The following ABCC1 variants were observed in gnomAD, a reference collection of about 807,000 sequenced individuals.
ABCC1 encodes ATP binding cassette subfamily C member 1 (ABCC1 blood group), also known as multidrug resistance-associated protein 1.
Under a neutral mutation model 172.9 loss-of-function variants are expected in ABCC1, and 83 were observed. That is an observed-to-expected ratio of 0.48 (90% CI 0.40 to 0.58). ABCC1 has a LOEUF of 0.58. Ranked by LOEUF, ABCC1 falls within the 20% of genes least tolerant of loss-of-function variation. ABCC1 has a pLI of 0.00. For missense variants in ABCC1, 1,817 were observed against 2,002.7 expected, an observed-to-expected ratio of 0.91 and a Z score of 1.77; for synonymous variants, 937 against 825.2, an observed-to-expected ratio of 1.14 and a Z score of -2.32.
At chr16:16,074,947 C>CTT (rs71137910) in intron 14 of ABCC1, among the ~76,000 whole-genome samples, 2 of 129,198 alleles carry the variant, frequency 1.5e-5, no homozygotes, top group East Asian at 2.2e-4. Context: ...TTTTCTTTTT[C>CTT]TTTTTTTTTT....
chr16:16,061,772 C>CTTTTTTT (rs201926082), intron 12 of ABCC1, among the ~76,000 whole-genome samples: 160 of 116,140 alleles, frequency 1.4e-3, no homozygotes, highest in Non-Finnish European at 1.8e-3. Context: ...TTCTTTTTTT[C>CTTTTTTT]TTTTTTTTTT....
At chr16:16,134,902 A>G (rs894847706) in intron 28 of ABCC1, among the ~76,000 whole-genome samples, 5 of 152,206 alleles carry the variant, frequency 3.3e-5, no homozygotes, top group Non-Finnish European at 4.4e-5. Context: ...TTGGCCTCCA[A>G]AAGTGCTGGG....
chr16:15,977,132 G>C (rs1193743285), intron 1 of ABCC1, among the ~76,000 whole-genome samples: 1 of 152,186 alleles, frequency 6.6e-6, no homozygotes, highest in East Asian at 1.9e-4. Flanking sequence ...TGGAGACTGG[G>C]GTGTCTCCGA....
chr16:16,014,942 A>G (rs964159018), intron 4 of ABCC1, among the ~76,000 whole-genome samples: 1 of 152,132 alleles, frequency 6.6e-6, no homozygotes, highest in Non-Finnish European at 1.5e-5. Flanking sequence ...ACAGCAAGAC[A>G]GGCGGCTCCA....
In ABCC1 at chr16:16,053,866, C is replaced by T. The variant is rs553885899; in HGVS notation, c.1473+1050C>T. Reference sequence around the variant, plus strand: ...TTAAAAGGGGATACCCCCTTCCCTACTCTCTCAACCACTGCAAATATATAG... The same window carrying T: ...TTAAAAGGGGATACCCCCTTCCCTATTCTCTCAACCACTGCAAATATATAG... On this transcript the variant is annotated intron_variant, in intron 11 of 30. Transcript: ENST00000399410. 2.0e-3 allele frequency among the ~76,000 whole-genome samples: 291 copies of T among 147,664 alleles called. 2 individuals carry two copies. The highest frequency in any genetic ancestry group is 2.9e-3 in the Non-Finnish European group (192 of 67,144).
intron 5 of ABCC1, among the ~76,000 whole-genome samples, chr16:16,022,648 C>A (rs1404215904): frequency 6.6e-6 from 1 of 152,114 alleles, no homozygotes; most frequent in Admixed American, 6.6e-5. Context: ...GGTTGCAAAT[C>A]ACTGGTTTGG....
chr16:16,039,239 ATGTGTGTGTGTG>A (rs71137905), intron 7 of ABCC1, among the ~76,000 whole-genome samples: 1 of 119,576 alleles, frequency 8.4e-6, no homozygotes, highest in Non-Finnish European at 1.7e-5. Flanking sequence ...GTGTGTATGT[ATGTGTGTGTGTG>A]TGTGTGTGTG....
chr16:16,082,489 C>T (rs1182479342), intron 16 of ABCC1, among the ~76,000 whole-genome samples: 1 of 152,160 alleles, frequency 6.6e-6, no homozygotes, highest in African/African-American at 2.4e-5. Flanking sequence ...AAACAAATAT[C>T]CTTACTCTAG....
chr16:16,073,492 G>A lies in ABCC1; in HGVS notation c.1912+1763G>A, dbSNP rs184616125. On this transcript the variant is annotated intron_variant, in intron 14 of 30. Transcript: ENST00000399410. ...AAAAGTGAGGCACAGGCTGGGTGCA[G>A]TGGCTCCTACCTATAATCCTAGTAC... is the stretch of plus-strand genomic sequence containing the variant. Among the ~76,000 whole-genome samples the A allele has an allele frequency of 2.0e-5, 3 of 152,316 alleles. No homozygotes were observed. In the East Asian group the frequency reaches 5.8e-4, roughly 29 times the overall value.
intron 16 of ABCC1, among the ~76,000 whole-genome samples, chr16:16,081,047 C>G (rs566994567): frequency 3.3e-5 from 5 of 152,062 alleles, no homozygotes; most frequent in Non-Finnish European, 7.4e-5. Flanking sequence ...TTTGTATTTT[C>G]AGTAAAGACG....
intron 1 of ABCC1, among the ~76,000 whole-genome samples, chr16:15,951,104 AGGGGAAAACCTGTG>A (rs1312432570): frequency 1.3e-5 from 2 of 152,160 alleles, no homozygotes; most frequent in Non-Finnish European, 2.9e-5. Context: ...TTTCTTTAGC[AGGGGAAAACCTGTG>A]GCTTCCTTGT....
chr16:16,091,428 G>C (rs897761682), intron 19 of ABCC1, among the ~76,000 whole-genome samples: 8 of 141,646 alleles, frequency 5.6e-5, no homozygotes, highest in Non-Finnish European at 1.2e-4. Flanking sequence ...AAAAAATTCA[G>C]ATGCTATTAA....
At chr16:16,043,394 G>A (rs2049066383) in intron 7 of ABCC1, among the ~76,000 whole-genome samples, 1 of 151,610 alleles carries the variant, frequency 6.6e-6, no homozygotes, top group African/African-American at 2.4e-5. Context: ...CGCCTCCTGG[G>A]TTTAAGCGAT....
At chr16:16,013,236 A>C (rs934863818) in intron 3 of ABCC1, among the ~76,000 whole-genome samples, 4 of 151,266 alleles carry the variant, frequency 2.6e-5, no homozygotes, top group Non-Finnish European at 5.9e-5. Flanking sequence ...ATATGCAGGC[A>C]CTGGTAATAT....
chr16:15,949,989 C>T (rs2151463352), intron 1 of ABCC1, among the ~76,000 whole-genome samples, 190 bp downstream of exon 1: 1 of 152,256 alleles, frequency 6.6e-6, no homozygotes, highest in South Asian at 2.1e-4. Context: ...ACTTGGGTGA[C>T]TCAGTTCCTG....
In ABCC1 at chr16:15,949,738, C is replaced by G. The variant is rs1268432398; in HGVS notation, c.-14C>G. ...ACCCGCCGCCCGGTGCCCGCCGCCGCCCGCGCCACCGGCATGGCGCTCCGG... is the reference window on the plus strand; with the variant it reads ...ACCCGCCGCCCGGTGCCCGCCGCCGGCCGCGCCACCGGCATGGCGCTCCGG... On this transcript the variant is annotated 5_prime_UTR_variant, in exon 1 of 31. Coordinates refer to ENST00000399410, the MANE Select transcript of ABCC1 (RefSeq NM_004996.4). 8.5e-7 allele frequency: 1 copy of G among 1,170,908 alleles called. No individual in the cohort carries two copies. The highest frequency in any genetic ancestry group is 1.1e-6 in the Non-Finnish European group (1 of 947,114). The allele number at this position is 1,170,908 out of a possible 1,614,324, so 72.5% of individuals were successfully genotyped here.
rs377642206 is a variant in ABCC1 at position 16,141,302 on chromosome 16, G to A, written c.*21G>A. The stretch of plus-strand genomic sequence containing the variant: ...TGTGAGCCCCAGAGCTGGCATATCT[G>A]GTCAGAACTGCAGGGCCTATATGCC... On this transcript the variant is annotated 3_prime_UTR_variant, in exon 31 of 31. Transcript: ENST00000399410. 63 of 1,610,194 alleles carry A rather than the reference G, an allele frequency of 3.9e-5. No individual in the cohort carries two copies. Among genetic ancestry groups the A allele is most frequent in the Admixed American group, 5.0e-5 (3 of 59,978 alleles).
chr16:16,034,138 C>T (rs955136274), intron 6 of ABCC1, among the ~76,000 whole-genome samples: 9 of 145,498 alleles, frequency 6.2e-5, no homozygotes, highest in African/African-American at 2.3e-4. Context: ...GGTGATGCTC[C>T]TGCCTCAGCC....
intron 13 of ABCC1, among the ~76,000 whole-genome samples, chr16:16,070,555 C>T (rs994083276): frequency 2.0e-5 from 3 of 151,944 alleles, no homozygotes; most frequent in Non-Finnish European, 2.9e-5. Context: ...GTCCCAGCTA[C>T]TCGGTTGGCT....
Sources: gnomAD v4.1 joint callset for allele counts (sites outside exome capture counted in the v4.1 genomes callset) on GRCh38, gnomAD v4.1.1 for gene constraint, MANE v1.5 for transcripts, NCBI Gene and HGNC (gene_info 2026-07-23, HGNC 2026-07-21) for gene names.